GOLIM4: variants seen among roughly 807,000 people sequenced by gnomAD.
GOLIM4 encodes 130 kDa golgi-localized phosphoprotein.
In GOLIM4, 71 loss-of-function variants were observed where a neutral mutation model predicts 107.4. The ratio of observed to expected loss-of-function variants is 0.66; its 90% CI spans 0.55 to 0.81. GOLIM4 has a LOEUF of 0.81. Among genes scored for constraint, GOLIM4 ranks in the 30% least tolerant of loss-of-function variants. The pLI is 0.00. For synonymous variants in GOLIM4, 327 were observed against 294.8 expected (o/e 1.11, Z -1.12); for missense variants, 830 against 826.1 (o/e 1.00, Z -0.06).
intron 1 of GOLIM4, among the ~76,000 whole-genome samples, chr3:168,089,643 C>T (rs1721796404): frequency 6.6e-6 from 1 of 152,044 alleles, no homozygotes; most frequent in Admixed American, 6.6e-5. Context: ...CCTCACTGCG[C>T]ACAATACCAC....
chr3:168,074,067 G>C (rs1435536177), intron 1 of GOLIM4, among the ~76,000 whole-genome samples: 1 of 152,206 alleles, frequency 6.6e-6, no homozygotes, highest in African/African-American at 2.4e-5. Context: ...GAAGCCAGCT[G>C]CCATGTTATG....
rs908695895 is a variant in GOLIM4, at chr3:168,095,337, G to C, written c.-52C>G. 2 of 1,532,142 alleles carry C rather than the reference G, an allele frequency of 1.3e-6. No homozygotes were observed. The highest frequency in any genetic ancestry group is 2.8e-5 in the African/African-American group (2 of 72,720). The allele number at this position is 1,532,142 out of a possible 1,614,324, so 94.9% of individuals were successfully genotyped here. ...CCGCCCCCGCCGTCTCCTCCCCTTG[G>C]TCCGAGCGAGCGTCTCAGCAGCGGC... On this transcript the variant is annotated 5_prime_UTR_variant, in exon 1 of 16. Coordinates refer to ENST00000470487, the MANE Select transcript of GOLIM4 (RefSeq NM_014498.5).
chr3:168,088,900 T>A (rs533258114), intron 1 of GOLIM4, among the ~76,000 whole-genome samples: 3 of 152,320 alleles, frequency 2.0e-5, no homozygotes, highest in African/African-American at 7.2e-5. Context: ...GCTTCCAATC[T>A]ACTTGGAACT....
intron 1 of GOLIM4, among the ~76,000 whole-genome samples, chr3:168,081,490 G>A (rs1282871486): frequency 6.6e-6 from 1 of 152,154 alleles, no homozygotes; most frequent in Non-Finnish European, 1.5e-5. Context: ...TGCCCTCAGA[G>A]GTGGCAAAGT....
chr3:168,026,450 G>A (rs1718001200), intron 12 of GOLIM4, among the ~76,000 whole-genome samples: 1 of 152,164 alleles, frequency 6.6e-6, no homozygotes, highest in Non-Finnish European at 1.5e-5. Flanking sequence ...CAGAAAGAGA[G>A]GAACAAGTGG....
intron 14 of GOLIM4, among the ~76,000 whole-genome samples, chr3:168,012,596 C>G (rs898706929): frequency 7.0e-6 from 1 of 142,992 alleles, no homozygotes; most frequent in African/African-American, 3.0e-5. Context: ...GTCAGATTCA[C>G]CAAAGTTGAA....
chr3:168,020,497 A>G (rs771041935), intron 14 of GOLIM4, among the ~76,000 whole-genome samples: 1 of 152,188 alleles, frequency 6.6e-6, no homozygotes, highest in Non-Finnish European at 1.5e-5. Flanking sequence ...CTGGTCCAGA[A>G]ATCTGTGTAT....
chr3:168,024,736 T>A (rs1717902790), intron 13 of GOLIM4, 142 bp from the exon 14 acceptor site: 6 of 844,984 alleles, frequency 7.1e-6, no homozygotes, highest in Non-Finnish European at 9.9e-6. Flanking sequence ...GAGTAATCAT[T>A]CCCAATACAA....
Position 168,010,357 on chromosome 3 carries a change from C to T in GOLIM4, c.2003G>A (p.Gly668Asp), listed in dbSNP as rs781720339. The change falls in exon 16 of 16, where the codon GGC (glycine) becomes GAC (aspartate). Residue 668 changes from glycine to aspartate, a missense_variant. Gly to Asp is a moderately conservative substitution (Grantham distance 94). Transcript: ENST00000470487. ...TTCCTCCTCGTAGTGTTCCTCTCGG[C>T]CTTTGGGGCGGTTGTCATCTCGAAC... ...QEVRDDNRPK[G>D]REEHYEEEEE... 6 of 1,613,268 alleles carry T rather than the reference C, an allele frequency of 3.7e-6. No individual in the cohort carries two copies. In the East Asian group the frequency reaches 1.3e-4, roughly 36 times the overall value.
intron 14 of GOLIM4, among the ~76,000 whole-genome samples, chr3:168,019,608 C>A (rs576633308): frequency 1.3e-5 from 2 of 152,264 alleles, no homozygotes; most frequent in South Asian, 2.1e-4. Context: ...TGTAAAATGA[C>A]CCACATTCTG....
intron 1 of GOLIM4, among the ~76,000 whole-genome samples, chr3:168,071,078 G>A (rs1180260874): frequency 6.6e-6 from 1 of 152,182 alleles, no homozygotes; most frequent in Non-Finnish European, 1.5e-5. Flanking sequence ...ACCTGAGCCT[G>A]GGAGGGAGGA....
chr3:168,089,792 A>G (rs1193668406), intron 1 of GOLIM4, among the ~76,000 whole-genome samples: 1 of 146,642 alleles, frequency 6.8e-6, no homozygotes, highest in African/African-American at 2.6e-5. Context: ...TTTTTGAGAC[A>G]GAGTCTCGCT....
intron 1 of GOLIM4, among the ~76,000 whole-genome samples, chr3:168,070,169 G>A (rs1349401533): frequency 5.3e-5 from 8 of 152,240 alleles, no homozygotes; most frequent in Non-Finnish European, 8.8e-5. Context: ...CTAGGTGGGC[G>A]GATCACGAGG....
In GOLIM4 at chr3:168,043,371, C is replaced by T. The variant is rs763098245; in HGVS notation, c.517+8G>A. On this transcript the variant is annotated splice_region_variant and intron_variant, in intron 5 of 15. Transcript: ENST00000470487. ...AGAGATAAACTGGCTAATCAGATTT[C>T]CAAATACCTTTTAGCTTAGAAAGTT... The T allele has an allele frequency of 6.3e-7, 1 of 1,594,424 alleles. No homozygotes were observed. Among genetic ancestry groups the T allele is most frequent in the African/African-American group, 1.4e-5 (1 of 73,860 alleles).
chr3:168,029,651 C>T, intron 10 of GOLIM4, 129 bp downstream of exon 10: 2 of 970,992 alleles, frequency 2.1e-6, no homozygotes, highest in Non-Finnish European at 3.0e-6. Context: ...AGTAGCTGTC[C>T]TGCCTTGGCT....
rs1490624987 is a variant in GOLIM4 at position 168,076,366 on chromosome 3, C to G, written c.187+18733G>C. ...TGTTTTTTGTTTGTTTGTTTTGTTT[C>G]TTTGTTTTTAATCCACATAAATTAG... On this transcript the variant is annotated intron_variant, in intron 1 of 15. Coordinates refer to ENST00000470487, the MANE Select transcript of GOLIM4 (RefSeq NM_014498.5). Among the ~76,000 whole-genome samples the G allele has an allele frequency of 2.0e-5, 3 of 152,116 alleles. No individual in the cohort carries two copies. The East Asian group carries it at 5.8e-4, about 29-fold the overall frequency.
intron 8 of GOLIM4, among the ~76,000 whole-genome samples, chr3:168,035,116 C>A (rs1718574385): frequency 1.3e-5 from 2 of 150,122 alleles, no homozygotes; most frequent in African/African-American, 4.9e-5. Context: ...TATTATCTCA[C>A]ACCAGTCAGA....
rs1353067747 is a variant in GOLIM4 at position 168,067,343 on chromosome 3, G to A, written c.188-18978C>T. ...CAAACTTAGGAATACACATTAAGCA[G>A]CTATCTAAATGGATACATAATTAGC... On this transcript the variant is annotated intron_variant, in intron 1 of 15. Coordinates refer to ENST00000470487, the MANE Select transcript of GOLIM4 (RefSeq NM_014498.5). 4.0e-5 allele frequency among the ~76,000 whole-genome samples: 6 copies of A among 151,864 alleles called. 1 individual carries two copies. Among genetic ancestry groups the A allele is most frequent in the Admixed American group, 1.3e-4 (2 of 15,214 alleles).
intron 14 of GOLIM4, among the ~76,000 whole-genome samples, chr3:168,017,823 T>A (rs1717459490): frequency 6.6e-6 from 1 of 151,622 alleles, no homozygotes; most frequent in Non-Finnish European, 1.5e-5. Flanking sequence ...GCCTCAAAAA[T>A]TCCTCTCTCT....
Sources: gnomAD v4.1 joint callset for allele counts (sites outside exome capture counted in the v4.1 genomes callset) on GRCh38, gnomAD v4.1.1 for gene constraint, MANE v1.5 for transcripts, NCBI Gene and HGNC (gene_info 2026-07-23, HGNC 2026-07-21) for gene names.